NAP1L4: variants seen among roughly 807,000 people sequenced by gnomAD.
NAP1L4 encodes the protein nucleosome assembly protein 1-like 4.
A neutral mutation model predicts 58.2 loss-of-function variants in NAP1L4; 15 were observed. The observed-to-expected ratio is 0.26, with a 90% CI of 0.17 to 0.40. The LOEUF (loss-of-function observed/expected upper bound fraction) is 0.40, where lower values mean the gene tolerates loss of function less well. Among genes scored for constraint, NAP1L4 ranks in the 10% least tolerant of loss-of-function variants. The pLI is 1.00. For synonymous variants in NAP1L4, 171 were observed against 155.6 expected (o/e 1.10, Z -0.74); for missense variants, 384 against 451.1 (o/e 0.85, Z 1.35).
chr11:2,988,362 AC>A (rs1310737101), intron 1 of NAP1L4, among the ~76,000 whole-genome samples: 4 of 152,112 alleles, frequency 2.6e-5, no homozygotes, highest in African/African-American at 9.7e-5. Context: ...TATTGCAACC[AC>A]CAAAGTCCCT....
chr11:2,984,474 G>C (rs1848511847), intron 1 of NAP1L4, among the ~76,000 whole-genome samples: 1 of 152,200 alleles, frequency 6.6e-6, no homozygotes, highest in Admixed American at 6.5e-5. Context: ...AGGAGGCTGA[G>C]GCAGGAGAAT....
At position 2,955,787 on chromosome 11, in the gene NAP1L4, AC is replaced by A. The variant is rs1419237161; in HGVS notation, c.893-22del. On this transcript the variant is annotated intron_variant, in intron 10 of 15. Transcript: ENST00000380542. The surrounding 1 kb of genome is among the most constrained non-coding windows in gnomAD (Gnocchi z 4.2). ...GGATGCTAGAAAAAGAAAAGACAAA[AC>A]ATATTTAAATTACAGTGACAACTCC... 1 of 1,610,258 alleles carries A rather than the reference AC, an allele frequency of 6.2e-7. No individual in the cohort carries two copies. The highest frequency in any genetic ancestry group is 1.1e-5 in the South Asian group (1 of 90,998).
At chr11:2,947,629 A>T (rs901184190) in intron 15 of NAP1L4, among the ~76,000 whole-genome samples, 1 of 152,186 alleles carries the variant, frequency 6.6e-6, no homozygotes, top group African/African-American at 2.4e-5. Context: ...AAAAAAAAAA[A>T]ACTACACCTA....
intron 7 of NAP1L4, 76 bp from the exon 8 acceptor site, chr11:2,964,827 A>G (rs1057259736): frequency 1.9e-6 from 2 of 1,054,414 alleles, no homozygotes; most frequent in Non-Finnish European, 2.9e-6. Context: ...TCATGGTTGC[A>G]GAGGCTCCCA....
In NAP1L4 at chr11:2,954,880, C is replaced by T. The variant is rs186869063; in HGVS notation, c.916-234G>A. 1 of 578,568 alleles carries T rather than the reference C, an allele frequency of 1.7e-6. No individual in the cohort carries two copies. Among genetic ancestry groups the T allele is most frequent in the African/African-American group, 1.9e-5 (1 of 53,390 alleles). The allele number at this position is 578,568 out of a possible 1,614,324, so 35.8% of individuals were successfully genotyped here. ...GAGAAAGTGGGAAGTGAGGGCCCTA[C>T]AGCTCCACAACTTGTCCAAAGGTCT... On this transcript the variant is annotated intron_variant, in intron 11 of 15. Coordinates refer to ENST00000380542, the MANE Select transcript of NAP1L4 (RefSeq NM_005969.4). The surrounding 1 kb of genome is among the most constrained non-coding windows in gnomAD (Gnocchi z 4.8).
rs369237867 is a variant in NAP1L4 at position 2,982,949 on chromosome 11, G to A, written c.-17-3712C>T. Among the ~76,000 whole-genome samples, 15 of 152,332 alleles carry A rather than the reference G, an allele frequency of 9.8e-5. No homozygotes were observed. In the East Asian group the frequency reaches 1.3e-3, roughly 14 times the overall value. On this transcript the variant is annotated intron_variant, in intron 1 of 15. Coordinates refer to ENST00000380542, the MANE Select transcript of NAP1L4 (RefSeq NM_005969.4). Reference sequence around the variant, plus strand: ...GCAGGAGAACTGCTTGAACCCAGGAGGCGGAGTTTGCAGTGAGCAAAGATT... The same window carrying A: ...GCAGGAGAACTGCTTGAACCCAGGAAGCGGAGTTTGCAGTGAGCAAAGATT...
intron 7 of NAP1L4, among the ~76,000 whole-genome samples, chr11:2,969,377 CACAA>C (rs539243052): frequency 5.9e-4 from 90 of 152,100 alleles, no homozygotes; most frequent in South Asian, 3.5e-3. Flanking sequence ...CACACACACA[CACAA>C]ACAAACACAC....
At position 2,955,937 on chromosome 11, in the gene NAP1L4, C is replaced by T. The variant is rs973190595; in HGVS notation, c.893-171G>A. ...TCCTCACAGACATCTTTGCAAGCTCCATCCACCACTTCTGAAGCTGGCCTG... is the reference window on the plus strand; with the variant it reads ...TCCTCACAGACATCTTTGCAAGCTCTATCCACCACTTCTGAAGCTGGCCTG... On this transcript the variant is annotated intron_variant, in intron 10 of 15. Transcript: ENST00000380542. This position sits in a 1 kb window ranked among gnomAD's most constrained non-coding sequence, Gnocchi z 4.2. The T allele has an allele frequency of 1.6e-5, 10 of 634,558 alleles. No individual in the cohort carries two copies. The highest frequency in any genetic ancestry group is 2.5e-4 in the Middle Eastern group (1 of 3,950). The allele number at this position is 634,558 out of a possible 1,614,324, so 39.3% of individuals were successfully genotyped here.
chr11:2,960,029 G>A, intron 8 of NAP1L4, 120 bp from the exon 9 acceptor site: 1 of 1,042,358 alleles, frequency 9.6e-7, no homozygotes, highest in South Asian at 1.7e-5. Flanking sequence ...ATAGGGCCAT[G>A]AACAAGAAAA....
Position 2,955,670 on chromosome 11 carries a change from AACAAGTAG to A in NAP1L4, c.915+66_915+73del, listed in dbSNP as rs564276584. 10,512 of 1,494,190 alleles carry A rather than the reference AACAAGTAG, an allele frequency of 7.0e-3. 67 individuals carry two copies. Among genetic ancestry groups the A allele is most frequent in the South Asian group, 0.02 (1,692 of 86,702 alleles). 92.6% of individuals were successfully genotyped at this position (1,494,190 alleles called of 1,614,324 possible). ...ACACAGCCAGGACTGGACTTTTTTT[AACAAGTAG>A]ACAAGTAGACATTCACTCAGGAGAG... On this transcript the variant is annotated intron_variant, in intron 11 of 15. Transcript: ENST00000380542. The surrounding 1 kb of genome is among the most constrained non-coding windows in gnomAD (Gnocchi z 4.2).
Position 2,945,549 on chromosome 11 carries a change from GCC to G in NAP1L4, c.*128_*129del. ...GGATTGTGCTGCGGCAAGGACCGAGGCCCCGCCCACAGGCCTGGAGTCCCGAC... is the reference window on the plus strand; with the variant it reads ...GGATTGTGCTGCGGCAAGGACCGAGGCCGCCCACAGGCCTGGAGTCCCGAC... On this transcript the variant is annotated 3_prime_UTR_variant, in exon 16 of 16. Coordinates refer to ENST00000380542, the MANE Select transcript of NAP1L4 (RefSeq NM_005969.4). 6.8e-7 allele frequency: 1 copy of G among 1,465,628 alleles called. No homozygotes were observed. Among genetic ancestry groups the G allele is most frequent in the Non-Finnish European group, 9.2e-7 (1 of 1,084,392 alleles). 90.8% of individuals were successfully genotyped at this position (1,465,628 alleles called of 1,614,324 possible). A position where few individuals can be genotyped will look rare whatever the true frequency, so the allele number is the denominator to read the frequency against.
chr11:2,952,990 G>C (rs1846320536), intron 12 of NAP1L4, among the ~76,000 whole-genome samples: 1 of 152,200 alleles, frequency 6.6e-6, no homozygotes, highest in Non-Finnish European at 1.5e-5. Flanking sequence ...TCATTGCTCT[G>C]TGCCAGGTGC....
At chr11:2,978,464 C>T (rs1228120107) in intron 2 of NAP1L4, 122 bp from the exon 3 acceptor site, 1 of 800,970 alleles carries the variant, frequency 1.2e-6, no homozygotes, top group Non-Finnish European at 2.0e-6. Context: ...CAGATTTGGG[C>T]AGAAGAAAAC....
chr11:2,975,645 G>GTTT (rs879711008), intron 4 of NAP1L4, among the ~76,000 whole-genome samples: 1 of 146,580 alleles, frequency 6.8e-6, no homozygotes, highest in African/African-American at 2.5e-5. Flanking sequence ...ACTATGCCCA[G>GTTT]TTTTTTTTTT....
At chr11:2,964,390 G>C (rs1036305170) in intron 8 of NAP1L4, among the ~76,000 whole-genome samples, 1 of 152,316 alleles carries the variant, frequency 6.6e-6, no homozygotes, top group East Asian at 1.9e-4. Flanking sequence ...CCTGGCTGCA[G>C]GGTCTGGGGC....
intron 10 of NAP1L4, among the ~76,000 whole-genome samples, chr11:2,957,807 G>T (rs553875229): frequency 2.0e-5 from 3 of 152,240 alleles, no homozygotes; most frequent in African/African-American, 4.8e-5. Flanking sequence ...TTTCAAAAAT[G>T]AAAGTCCCAA....
chr11:2,977,932 C>G (rs1293340334), intron 3 of NAP1L4, among the ~76,000 whole-genome samples: 1 of 150,938 alleles, frequency 6.6e-6, no homozygotes, highest in Admixed American at 6.6e-5. Context: ...ACCTGGGAGG[C>G]TGCGGCAGGA....
intron 1 of NAP1L4, among the ~76,000 whole-genome samples, chr11:2,984,064 C>T (rs1014269605): frequency 6.8e-6 from 1 of 146,398 alleles, no homozygotes; most frequent in African/African-American, 2.5e-5. Context: ...GTGGCTGAGA[C>T]AGAAGCAACA....
intron 12 of NAP1L4, among the ~76,000 whole-genome samples, chr11:2,953,975 G>T (rs1846377513): frequency 6.6e-6 from 1 of 152,222 alleles, no homozygotes; most frequent in South Asian, 2.1e-4. Context: ...GCGGTACTTG[G>T]GCTGTGCACC....
Sources: gnomAD v4.1 joint callset for allele counts (sites outside exome capture counted in the v4.1 genomes callset) on GRCh38, gnomAD v4.1.1 for gene constraint, Gnocchi (gnomAD v3.1) non-coding constraint, MANE v1.5 for transcripts, NCBI Gene and HGNC (gene_info 2026-07-23, HGNC 2026-07-21) for gene names.